The following RBFOX1 variants were observed in gnomAD, a reference collection of about 807,000 sequenced individuals.
RBFOX1 encodes RNA binding protein fox-1 homolog 1.
RBFOX1 carries 8 observed loss-of-function variants against 57.7 expected under a neutral mutation model. The observed-to-expected ratio is 0.14, with a 90% CI of 0.08 to 0.25. The LOEUF (loss-of-function observed/expected upper bound fraction) is 0.25. RBFOX1 is among the 10% of genes least tolerant of loss of function. RBFOX1 has a pLI of 1.00. For synonymous variants in RBFOX1, 326 were observed against 222.4 expected (o/e 1.47, Z -4.15); for missense variants, 611 against 548.5 (o/e 1.11, Z -1.14).
chr16:7,479,176 C>A (rs535162811), intron 4 of RBFOX1, among the ~76,000 whole-genome samples: 3 of 150,524 alleles, frequency 2.0e-5, no homozygotes, highest in African/African-American at 7.3e-5. Context: ...TAGGCTGGAG[C>A]GCAGTGGTGT....
chr16:5,795,927 A>T lies in RBFOX1; in HGVS notation c.319-71376A>T, dbSNP rs113724026. Among the ~76,000 whole-genome samples the T allele has an allele frequency of 1.8e-3, 275 of 152,342 alleles. 2 individuals carry two copies. Among genetic ancestry groups the T allele is most frequent in the Middle Eastern group, 3.4e-3 (1 of 294 alleles). Reference sequence around the variant, plus strand: ...TGTTTGCTCTACTGGAGATAGGTCGACAACACTCACCAGTTGCATCAATAG... The same window carrying T: ...TGTTTGCTCTACTGGAGATAGGTCGTCAACACTCACCAGTTGCATCAATAG... On this transcript the variant is annotated intron_variant, in intron 3 of 19. Coordinates refer to the RBFOX1 transcript ENST00000641259.
chr16:6,651,859 T>G (rs1160970867), intron 2 of RBFOX1, among the ~76,000 whole-genome samples: 1 of 152,178 alleles, frequency 6.6e-6, no homozygotes, highest in Admixed American at 6.5e-5. Flanking sequence ...ATGTGGTCTC[T>G]CCATACAATG....
chr16:7,182,240 G>A (rs887740958), intron 4 of RBFOX1, among the ~76,000 whole-genome samples: 3 of 152,100 alleles, frequency 2.0e-5, no homozygotes, highest in Admixed American at 6.6e-5. Flanking sequence ...AGGGTTGCTA[G>A]TTTACCTTCG....
At chr16:5,344,316 A>C (rs546385500) in intron 1 of RBFOX1, among the ~76,000 whole-genome samples, 1 of 152,026 alleles carries the variant, frequency 6.6e-6, no homozygotes, top group Non-Finnish European at 1.5e-5. Flanking sequence ...CCCTCTTTCT[A>C]CATCAGCTGT....
intron 4 of RBFOX1, among the ~76,000 whole-genome samples, chr16:7,250,507 C>G (rs1007315188): frequency 5.3e-5 from 8 of 152,208 alleles, no homozygotes; most frequent in Non-Finnish European, 1.2e-4. Flanking sequence ...ATTACACTTA[C>G]CTTGTCTCTG....
intron 4 of RBFOX1, among the ~76,000 whole-genome samples, chr16:7,255,902 T>C (rs1054301356): frequency 1.3e-5 from 2 of 152,186 alleles, no homozygotes; most frequent in South Asian, 4.1e-4. Context: ...TCCGTTACCT[T>C]ATTGGATAGC....
chr16:5,294,654 A>C (rs1881334), intron 1 of RBFOX1, among the ~76,000 whole-genome samples: 1 of 151,858 alleles, frequency 6.6e-6, no homozygotes, highest in African/African-American at 2.4e-5. Flanking sequence ...GAACACCCCT[A>C]TGTTTCCCCT....
chr16:6,520,948 A>C (rs188873324), intron 2 of RBFOX1, among the ~76,000 whole-genome samples: 2 of 150,754 alleles, frequency 1.3e-5, no homozygotes, highest in Non-Finnish European at 3.0e-5. Context: ...GTAGGGGGGG[A>C]AAAAAATAAT....
At chr16:7,435,161 A>G (rs1010578332) in intron 4 of RBFOX1, among the ~76,000 whole-genome samples, 1 of 152,022 alleles carries the variant, frequency 6.6e-6, no homozygotes, top group African/African-American at 2.4e-5. Context: ...AGGATGTCAC[A>G]TTACAATTAA....
intron 4 of RBFOX1, among the ~76,000 whole-genome samples, chr16:7,242,943 C>G (rs1161417081): frequency 2.0e-5 from 3 of 152,170 alleles, no homozygotes; most frequent in Non-Finnish European, 4.4e-5. Flanking sequence ...CCTTACCTGT[C>G]TACCTTCTTT....
chr16:7,685,963 C>G (rs542981500), intron 14 of RBFOX1, among the ~76,000 whole-genome samples: 4 of 152,050 alleles, frequency 2.6e-5, no homozygotes, highest in Non-Finnish European at 4.4e-5. Flanking sequence ...AGGTTACTTA[C>G]TACACGAGAT....
chr16:7,432,213 T>G (rs1224274369), intron 4 of RBFOX1, among the ~76,000 whole-genome samples: 1 of 152,206 alleles, frequency 6.6e-6, no homozygotes. Flanking sequence ...TGACTTTTCT[T>G]AGTTTTCATC....
chr16:7,232,212 C>T (rs543928678), intron 4 of RBFOX1, among the ~76,000 whole-genome samples: 12 of 152,070 alleles, frequency 7.9e-5, no homozygotes, highest in South Asian at 4.2e-4. Flanking sequence ...TTATGAGAGA[C>T]GGGGTTTCAC....
At chr16:6,438,413 C>T (rs1597251034) in intron 2 of RBFOX1, among the ~76,000 whole-genome samples, 2 of 152,140 alleles carry the variant, frequency 1.3e-5, no homozygotes, top group South Asian at 2.1e-4. Context: ...ATAGTCTGAT[C>T]TCCAAACTTT....
rs1876338 is a variant in RBFOX1, at chr16:7,507,755, C to T, written c.28-10392C>T. 5.8e-3 allele frequency among the ~76,000 whole-genome samples: 884 copies of T among 151,738 alleles called. 8 individuals carry two copies. Among genetic ancestry groups the T allele is most frequent in the African/African-American group, 0.02 (816 of 41,424 alleles). On this transcript the variant is annotated intron_variant, in intron 4 of 15. Transcript: ENST00000550418. The stretch of plus-strand genomic sequence containing the variant: ...ATTGTTGGTAATTTTAGTAGAGACG[C>T]GGTTTCACCGTGTTAGCCAGGACGG...
chr16:5,665,424 C>T (rs1443963726), intron 3 of RBFOX1, among the ~76,000 whole-genome samples: 1 of 119,566 alleles, frequency 8.4e-6, no homozygotes, highest in East Asian at 3.3e-4. Flanking sequence ...CTCCCTTATA[C>T]CCCTTGTTCT....
intron 4 of RBFOX1, among the ~76,000 whole-genome samples, chr16:7,132,750 G>C (rs2070849052): frequency 6.6e-6 from 1 of 151,992 alleles, no homozygotes; most frequent in African/African-American, 2.4e-5. Flanking sequence ...AATACTGCAT[G>C]ATTTCACTTA....
intron 4 of RBFOX1, among the ~76,000 whole-genome samples, chr16:5,898,247 A>G (rs970677732): frequency 5.9e-5 from 9 of 152,064 alleles, no homozygotes; most frequent in African/African-American, 2.2e-4. Flanking sequence ...ATTACCTCCT[A>G]CCAGGTCCCT....
intron 3 of RBFOX1, among the ~76,000 whole-genome samples, chr16:6,722,552 C>T (rs2066235969): frequency 6.6e-6 from 1 of 151,974 alleles, no homozygotes; most frequent in South Asian, 2.1e-4. Context: ...TACTCAGTAC[C>T]ATGTTTGTGT....
Sources: allele counts gnomAD v4.1 joint callset (sites outside exome capture counted in the v4.1 genomes callset), GRCh38; gene constraint gnomAD v4.1.1; transcripts MANE v1.5; gene names NCBI Gene and HGNC (gene_info 2026-07-23, HGNC 2026-07-21).